FAM13C: variants seen among roughly 807,000 people sequenced by gnomAD.
The protein encoded by FAM13C is family with sequence similarity 13 member C, also known as protein FAM13C.
FAM13C carries 37 observed loss-of-function variants against 73.2 expected under a neutral mutation model. The observed-to-expected ratio is 0.51, with a 90% CI of 0.39 to 0.67. FAM13C has a LOEUF of 0.67. FAM13C is among the 30% of genes least tolerant of loss of function. The pLI, the probability that FAM13C is intolerant of heterozygous loss-of-function variation, is 0.00. For synonymous variants in FAM13C, 246 were observed against 260.9 expected (o/e 0.94, Z 0.55); for missense variants, 589 against 715.6 (o/e 0.82, Z 2.02).
rs1363659899 is a variant in FAM13C, at chr10:59,264,152, G to A, written c.957C>T (p.Asp319=). 5.0e-6 allele frequency: 8 copies of A among 1,606,304 alleles called. No homozygotes were observed. Among genetic ancestry groups the A allele is most frequent in the Non-Finnish European group, 6.8e-6 (8 of 1,175,638 alleles). The change falls in exon 9 of 14, where the codon GAC becomes GAT. Residue 319 remains aspartate, a synonymous_variant. Coordinates refer to ENST00000618804, the MANE Select transcript of FAM13C (RefSeq NM_198215.4). The part of the protein sequence containing the change: ...QEKKYRPSHG[D]KTSNPEVLKW... ...TCAGGACTTCAGGATTAGAAGTCTT[G>A]TCACCATGTGAAGGCTACCAAGGGA... is the stretch of plus-strand genomic sequence containing the variant.
At chr10:59,258,606 C>T (rs1000251930) in intron 10 of FAM13C, among the ~76,000 whole-genome samples, 1 of 152,102 alleles carries the variant, frequency 6.6e-6, no homozygotes, top group East Asian at 1.9e-4. Context: ...TGGGAGACCT[C>T]AGAGCTGGAG....
chr10:59,250,420 G>T (rs1841259091), intron 13 of FAM13C, among the ~76,000 whole-genome samples: 1 of 152,192 alleles, frequency 6.6e-6, no homozygotes. Context: ...TGGACTTGTA[G>T]CAATCAACTG....
intron 5 of FAM13C, 34 bp downstream of exon 5, chr10:59,302,767 T>G (rs1462248579): frequency 6.3e-7 from 1 of 1,585,450 alleles, no homozygotes; most frequent in Non-Finnish European, 8.7e-7. Flanking sequence ...ATTGGCTAAT[T>G]CATGTTCTTA....
At chr10:59,295,663 TAATA>T (rs1214654347) in intron 5 of FAM13C, among the ~76,000 whole-genome samples, 3 of 152,178 alleles carry the variant, frequency 2.0e-5, no homozygotes, top group African/African-American at 7.2e-5. Flanking sequence ...AACTGTAAGC[TAATA>T]AATAAATGTT....
intron 4 of FAM13C, among the ~76,000 whole-genome samples, chr10:59,305,161 C>A (rs983484962): frequency 6.6e-6 from 1 of 152,160 alleles, no homozygotes; most frequent in African/African-American, 2.4e-5. Flanking sequence ...TGGGTTTTGC[C>A]ACTACATGAC....
intron 3 of FAM13C, among the ~76,000 whole-genome samples, chr10:59,329,342 G>GTT (rs71006247): frequency 7.8e-5 from 6 of 77,300 alleles, no homozygotes; most frequent in South Asian, 5.3e-4. Flanking sequence ...TTTCTTTCTG[G>GTT]TTTTTTTTTT....
chr10:59,287,785 C>T (rs932556764), intron 5 of FAM13C, among the ~76,000 whole-genome samples: 1 of 152,202 alleles, frequency 6.6e-6, no homozygotes, highest in Non-Finnish European at 1.5e-5. Flanking sequence ...TGCAAACACA[C>T]AAGGACTGGA....
Position 59,331,542 on chromosome 10 carries a change from T to A in FAM13C, c.325-7436A>T, listed in dbSNP as rs112770234. ...TAGTCTTGAAGAGTTTGGGCTTTAT[T>A]CCATTGGCAATGGCAAGCCACTGAA... is the stretch of plus-strand genomic sequence containing the variant. On this transcript the variant is annotated intron_variant, in intron 3 of 13. Coordinates refer to ENST00000618804, the MANE Select transcript of FAM13C (RefSeq NM_198215.4). Among the ~76,000 whole-genome samples, 833 of 152,288 alleles carry A rather than the reference T, an allele frequency of 5.5e-3. 10 individuals carry two copies. Among genetic ancestry groups the A allele is most frequent in the African/African-American group, 0.018 (759 of 41,560 alleles).
chr10:59,327,568 C>CCT (rs1851341721), intron 3 of FAM13C: 1 of 116,880 alleles, frequency 8.6e-6, no homozygotes, highest in South Asian at 3.1e-4. Flanking sequence ...TGTCCCCACC[C>CCT]CCCCACCAAA....
intron 10 of FAM13C, among the ~76,000 whole-genome samples, chr10:59,256,816 A>G (rs1841988027): frequency 6.6e-6 from 1 of 152,216 alleles, no homozygotes; most frequent in African/African-American, 2.4e-5. Flanking sequence ...GCAGAAATAC[A>G]TTAGACTTTC....
intron 6 of FAM13C, among the ~76,000 whole-genome samples, chr10:59,280,228 A>G (rs577537014): frequency 6.6e-6 from 1 of 152,304 alleles, no homozygotes; most frequent in East Asian, 1.9e-4. Context: ...AGTGCTAAAA[A>G]TAGGACAATC....
chr10:59,302,679 G>T, intron 5 of FAM13C, 122 bp downstream of exon 5: 1 of 851,988 alleles, frequency 1.2e-6, no homozygotes, highest in East Asian at 2.5e-5. Context: ...AGTATTACAA[G>T]TTCACTTAAA....
intron 5 of FAM13C, among the ~76,000 whole-genome samples, chr10:59,297,899 A>G (rs1450427986): frequency 3.2e-5 from 3 of 93,574 alleles, no homozygotes; most frequent in Non-Finnish European, 7.7e-5. Flanking sequence ...TACTCTGGGG[A>G]CAAAAAAAAA....
At chr10:59,263,583 A>G (rs1399401922) in intron 9 of FAM13C, among the ~76,000 whole-genome samples, 2 of 152,180 alleles carry the variant, frequency 1.3e-5, no homozygotes, top group Non-Finnish European at 1.5e-5. Context: ...TGGATTTTAG[A>G]GTTAATACTC....
intron 1 of FAM13C, chr10:59,361,097 C>T: frequency 7.8e-7 from 1 of 1,289,264 alleles, no homozygotes; most frequent in South Asian, 1.2e-5. Context: ...CACCTCTCTC[C>T]CCTTCTCTCA....
chr10:59,247,294 A>C lies in FAM13C; in HGVS notation c.*320T>G, dbSNP rs1413901336. 1 of 247,680 alleles carries C rather than the reference A, an allele frequency of 4.0e-6. No homozygotes were observed. Among genetic ancestry groups the C allele is most frequent in the Non-Finnish European group, 7.6e-6 (1 of 131,504 alleles). The allele number at this position is 247,680 out of a possible 1,614,324, so 15.3% of individuals were successfully genotyped here. ...GGATACTAAATAAACTTTCCCTAAC[A>C]AGTGTCCTAGCTATGTTATTTAGAT... On this transcript the variant is annotated 3_prime_UTR_variant, in exon 14 of 14. Coordinates refer to ENST00000618804, the MANE Select transcript of FAM13C (RefSeq NM_198215.4).
chr10:59,349,723 A>T (rs1170656714), intron 3 of FAM13C, among the ~76,000 whole-genome samples: 1 of 152,204 alleles, frequency 6.6e-6, no homozygotes. Context: ...TGATCACACC[A>T]CTGTACTCCA....
intron 6 of FAM13C, among the ~76,000 whole-genome samples, chr10:59,277,126 G>A (rs545192541): frequency 1.3e-5 from 2 of 152,110 alleles, no homozygotes; most frequent in East Asian, 1.9e-4. Flanking sequence ...TGCACTGCAG[G>A]CCAGTAATGA....
intron 9 of FAM13C, among the ~76,000 whole-genome samples, chr10:59,263,015 T>A (rs1037979082): frequency 1.3e-5 from 2 of 152,160 alleles, no homozygotes; most frequent in African/African-American, 4.8e-5. Flanking sequence ...TATGGAGTTG[T>A]GGGTTCATCA....
Sources: allele counts gnomAD v4.1 joint callset (sites outside exome capture counted in the v4.1 genomes callset), GRCh38; gene constraint gnomAD v4.1.1; transcripts MANE v1.5; gene names NCBI Gene and HGNC (gene_info 2026-07-23, HGNC 2026-07-21).